Variants in IQGAP2 observed in about 807,000 individuals in gnomAD.
IQGAP2 encodes the protein ras GTPase-activating-like protein IQGAP2.
A neutral mutation model predicts 201.3 loss-of-function variants in IQGAP2; 173 were observed. The observed-to-expected ratio is 0.86, with a 90% CI of 0.76 to 0.98. The LOEUF is 0.98. IQGAP2 is among the 50% of genes least tolerant of loss of function. The probability of loss-of-function intolerance (pLI) is 0.00; values close to 1 mark genes in which losing one functional copy is unlikely to be tolerated. For missense variants in IQGAP2, 1,687 were observed against 1,864.8 expected, an observed-to-expected ratio of 0.90 and a Z score of 1.76; for synonymous variants, 675 against 673.9, an observed-to-expected ratio of 1.00 and a Z score of -0.03.
chr5:76,482,496 G>A, intron 2 of IQGAP2, among the ~76,000 whole-genome samples: 1 of 152,148 alleles, frequency 6.6e-6, no homozygotes. Context: ...AATTTCATAA[G>A]GGTGGTGCTG....
At chr5:76,626,549 G>T (rs1580657684) in intron 13 of IQGAP2, among the ~76,000 whole-genome samples, 1 of 152,178 alleles carries the variant, frequency 6.6e-6, no homozygotes, top group East Asian at 1.9e-4. Flanking sequence ...GGGATTACAG[G>T]TGTAAGCCAC....
intron 1 of IQGAP2, among the ~76,000 whole-genome samples, chr5:76,433,829 T>C (rs953596137): frequency 6.6e-6 from 1 of 152,216 alleles, no homozygotes; most frequent in Admixed American, 6.5e-5. Flanking sequence ...ACTTCAGTGT[T>C]TTCCTATTTG....
chr5:76,683,368 C>T (rs775856990), intron 29 of IQGAP2, 151 bp downstream of exon 29: 22 of 558,320 alleles, frequency 3.9e-5, no homozygotes, highest in Admixed American at 1.8e-4. Flanking sequence ...ACACTTGCCC[C>T]TTCCTACAGT....
At chr5:76,523,457 T>C (rs747571232) in intron 2 of IQGAP2, among the ~76,000 whole-genome samples, 43 of 152,138 alleles carry the variant, frequency 2.8e-4, no homozygotes, top group Admixed American at 1.8e-3. Flanking sequence ...CCATATCAAA[T>C]TTTTGCTACC....
intron 28 of IQGAP2, among the ~76,000 whole-genome samples, chr5:76,678,416 CATTAAA>C (rs1712121631): frequency 6.7e-6 from 1 of 148,862 alleles, no homozygotes; most frequent in African/African-American, 2.5e-5. Context: ...ACTTTTCAAA[CATTAAA>C]ATTAAAAAAA....
At chr5:76,465,356 C>T (rs1754711173) in intron 2 of IQGAP2, among the ~76,000 whole-genome samples, 1 of 152,080 alleles carries the variant, frequency 6.6e-6, no homozygotes, top group Non-Finnish European at 1.5e-5. Flanking sequence ...AAAATCCAGC[C>T]CCCTTTCTTG....
intron 30 of IQGAP2, 40 bp downstream of exon 30, chr5:76,683,957 C>T: frequency 1.3e-6 from 2 of 1,543,662 alleles, no homozygotes; most frequent in East Asian, 2.3e-5. Flanking sequence ...TCCAAATACA[C>T]ATCTTAAATG....
At chr5:76,562,666 A>T (rs1214568614) in intron 3 of IQGAP2, 114 bp downstream of exon 3, 1 of 922,250 alleles carries the variant, frequency 1.1e-6, no homozygotes, top group Non-Finnish European at 1.6e-6. Context: ...GGGCTGGGGG[A>T]TGTCTTTGGA....
intron 1 of IQGAP2, among the ~76,000 whole-genome samples, chr5:76,423,356 C>T (rs549040814): frequency 6.6e-6 from 1 of 152,294 alleles, no homozygotes; most frequent in South Asian, 2.1e-4. Flanking sequence ...GGCTTGGTGG[C>T]TCATGCCTGT....
rs1462532876 is a variant in IQGAP2 at position 76,683,161 on chromosome 5, T to C, written c.3707T>C (p.Leu1236Ser). ...GCAATTGCCCCTGAGAAAAATGACT[T>C]ACTGAGTGAATTGCTGGGGTCGCTG... ...QDAIAPEKND[L>S]LSELLGSLGE... The change falls in exon 29 of 36, where the codon TTA (leucine) becomes TCA (serine). Residue 1236 changes from leucine (L) to serine (S), a missense_variant. Coordinates refer to ENST00000274364, the MANE Select transcript of IQGAP2 (RefSeq NM_006633.5). 2 of 1,612,968 alleles carry C rather than the reference T, an allele frequency of 1.2e-6. No homozygotes were observed. Among genetic ancestry groups the C allele is most frequent in the Admixed American group, 3.3e-5 (2 of 59,830 alleles).
chr5:76,648,152 A>G (rs1293006701), intron 17 of IQGAP2, among the ~76,000 whole-genome samples: 1 of 152,188 alleles, frequency 6.6e-6, no homozygotes, highest in African/African-American at 2.4e-5. Flanking sequence ...AGTGATATCA[A>G]GAGAGGTCCA....
chr5:76,665,988 G>A (rs1387784696), intron 22 of IQGAP2, among the ~76,000 whole-genome samples: 1 of 152,210 alleles, frequency 6.6e-6, no homozygotes, highest in African/African-American at 2.4e-5. Flanking sequence ...GCCACTGCTG[G>A]GATTCCTTCA....
intron 2 of IQGAP2, among the ~76,000 whole-genome samples, chr5:76,555,965 A>C (rs4704335): frequency 0.15 from 23,274 of 152,180 alleles, 1,945 homozygotes; most frequent in Admixed American, 0.28. Context: ...AGACTCTGGT[A>C]TTGAAGGAGC....
intron 2 of IQGAP2, among the ~76,000 whole-genome samples, chr5:76,492,153 T>C (rs971142610): frequency 1.3e-5 from 2 of 152,190 alleles, no homozygotes; most frequent in Admixed American, 1.3e-4. Context: ...AAGTTTGAGA[T>C]GCATTTGGCC....
chr5:76,496,742 TTTC>T (rs1248134748), intron 2 of IQGAP2, among the ~76,000 whole-genome samples: 564 of 42,430 alleles, frequency 0.013, 40 homozygotes, highest in African/African-American at 0.047. Context: ...TCTTTCTTTC[TTTC>T]TTTCTTTCTT....
chr5:76,471,678 T>G (rs1433085400), intron 2 of IQGAP2, among the ~76,000 whole-genome samples: 1 of 150,356 alleles, frequency 6.7e-6, no homozygotes, highest in South Asian at 2.1e-4. Flanking sequence ...AAGCCATGAG[T>G]TGCTTAACAG....
chr5:76,672,029 AT>A, intron 24 of IQGAP2, 46 bp downstream of exon 24: 1 of 1,399,208 alleles, frequency 7.1e-7, no homozygotes, highest in Non-Finnish European at 1.0e-6. Flanking sequence ...GTTTTATGAT[AT>A]TTTTACATGT....
intron 28 of IQGAP2, among the ~76,000 whole-genome samples, chr5:76,680,221 G>A (rs1197235185): frequency 6.6e-6 from 1 of 152,162 alleles, no homozygotes; most frequent in Non-Finnish European, 1.5e-5. Flanking sequence ...TTCTGACAGG[G>A]GACTAAGTTC....
chr5:76,509,781 T>G (rs1351933593), intron 2 of IQGAP2, among the ~76,000 whole-genome samples: 1 of 152,072 alleles, frequency 6.6e-6, no homozygotes, highest in East Asian at 1.9e-4. Flanking sequence ...ATGAGAAAAG[T>G]ATCCGTAGTA....
Sources: gnomAD v4.1 joint callset for allele counts (sites outside exome capture counted in the v4.1 genomes callset) on GRCh38, gnomAD v4.1.1 for gene constraint, MANE v1.5 for transcripts, NCBI Gene and HGNC (gene_info 2026-07-23, HGNC 2026-07-21) for gene names.